ZNF475: variants seen among roughly 807,000 people sequenced by gnomAD.
The protein encoded by ZNF475 is zinc finger protein 475.
At chr5:122,172,987 C>G in the ZNF475 span, among the ~76,000 whole-genome samples, 2 of 151,778 alleles carry the variant, frequency 1.3e-5, no homozygotes, top group Non-Finnish European at 2.9e-5. Flanking sequence ...GAGCCAAGAT[C>G]GCGCCACTGC....
chr5:122,165,401 G>C, the ZNF475 span, among the ~76,000 whole-genome samples: 7 of 152,248 alleles, frequency 4.6e-5, no homozygotes, highest in African/African-American at 1.7e-4. Flanking sequence ...TGACATATAT[G>C]GTCAGTTCTA....
chr5:122,165,609 G>T, the ZNF475 span, among the ~76,000 whole-genome samples: 1 of 152,088 alleles, frequency 6.6e-6, no homozygotes, highest in Non-Finnish European at 1.5e-5. Flanking sequence ...TATTTCCCTT[G>T]CAGGATGTTC....
the ZNF475 span, chr5:122,182,515 C>T: frequency 1.3e-6 from 2 of 1,523,698 alleles, no homozygotes; most frequent in Non-Finnish European, 1.8e-6. Context: ...GATCTTGATG[C>T]TTTAAATGAA....
At chr5:122,163,847 C>T in the ZNF475 span, among the ~76,000 whole-genome samples, 1 of 152,156 alleles carries the variant, frequency 6.6e-6, no homozygotes, top group Non-Finnish European at 1.5e-5. Flanking sequence ...GCTTCTTTTG[C>T]CTAAGGATAG....
the ZNF475 span, among the ~76,000 whole-genome samples, chr5:122,168,921 A>C: frequency 2.6e-5 from 4 of 151,854 alleles, no homozygotes; most frequent in Non-Finnish European, 4.4e-5. Flanking sequence ...TCAAATCTCC[A>C]CCCCACTGTT....
chr5:122,179,965 A>G, the ZNF475 span: 31 of 309,196 alleles, frequency 1.0e-4, 1 homozygote, highest in Non-Finnish European at 1.8e-4. Flanking sequence ...AGAGGGACCT[A>G]TGGGAATTTG....
At chr5:122,173,970 G>T in the ZNF475 span, among the ~76,000 whole-genome samples, 1 of 152,188 alleles carries the variant, frequency 6.6e-6, no homozygotes, top group East Asian at 1.9e-4. Context: ...CAGACTTACC[G>T]ACTTCCTCTT....
At chr5:122,176,045 C>T in the ZNF475 span, among the ~76,000 whole-genome samples, 2 of 152,144 alleles carry the variant, frequency 1.3e-5, no homozygotes, top group African/African-American at 4.8e-5. Context: ...CATCTAATAG[C>T]CTTTACTCAG....
chr5:122,160,928 T>C, the ZNF475 span, among the ~76,000 whole-genome samples: 1 of 152,156 alleles, frequency 6.6e-6, no homozygotes, highest in Non-Finnish European at 1.5e-5. Flanking sequence ...GGTCAACAAC[T>C]ACAATCTCTC....
the ZNF475 span, among the ~76,000 whole-genome samples, chr5:122,176,532 T>C: frequency 6.6e-6 from 1 of 152,194 alleles, no homozygotes; most frequent in African/African-American, 2.4e-5. Context: ...AGACAGGCCC[T>C]GGGTTCCTAA....
At chr5:122,180,295 C>T in the ZNF475 span, among the ~76,000 whole-genome samples, 1 of 152,212 alleles carries the variant, frequency 6.6e-6, no homozygotes, top group Non-Finnish European at 1.5e-5. Context: ...AGACAAGCAG[C>T]TGCCCAGTTC....
the ZNF475 span, among the ~76,000 whole-genome samples, chr5:122,174,604 T>C: frequency 6.6e-6 from 1 of 152,206 alleles, no homozygotes; most frequent in South Asian, 2.1e-4. Context: ...ATGGTATTAA[T>C]TTTCTCCCAC....
chr5:122,169,661 C>T, the ZNF475 span, among the ~76,000 whole-genome samples: 1 of 152,034 alleles, frequency 6.6e-6, no homozygotes, highest in Non-Finnish European at 1.5e-5. Flanking sequence ...TTGCACAAAA[C>T]AGTCAAGAGG....
the ZNF475 span, among the ~76,000 whole-genome samples, chr5:122,177,965 G>A: frequency 3.9e-5 from 6 of 152,096 alleles, no homozygotes; most frequent in South Asian, 2.1e-4. Context: ...TCATTGTTCA[G>A]ATCCCACTTA....
At chr5:122,168,604 T>C in the ZNF475 span, among the ~76,000 whole-genome samples, 28 of 152,192 alleles carry the variant, frequency 1.8e-4, no homozygotes, top group South Asian at 5.8e-3. Context: ...TCCCAGCTGC[T>C]CCAGAGGCTG....
At chr5:122,179,636 A>G in the ZNF475 span, 3 of 1,534,720 alleles carry the variant, frequency 2.0e-6, no homozygotes, top group African/African-American at 2.7e-5. Context: ...TTCATGAGCC[A>G]CAATGTCTGA....
At chr5:122,175,186 G>A in the ZNF475 span, among the ~76,000 whole-genome samples, 4 of 151,632 alleles carry the variant, frequency 2.6e-5, no homozygotes, top group South Asian at 2.1e-4. Context: ...TTTTTGCTTC[G>A]TCTATGTTAA....
the ZNF475 span, among the ~76,000 whole-genome samples, chr5:122,160,593 C>A: frequency 6.6e-6 from 1 of 152,150 alleles, no homozygotes; most frequent in Non-Finnish European, 1.5e-5. Flanking sequence ...AAAATAGGTG[C>A]TCTTTCTTTG....
At chr5:122,169,402 G>A in the ZNF475 span, among the ~76,000 whole-genome samples, 1 of 152,190 alleles carries the variant, frequency 6.6e-6, no homozygotes, top group African/African-American at 2.4e-5. Flanking sequence ...ACTAAGGAGA[G>A]TTAAGGATTG....
Sources: allele counts gnomAD v4.1 joint callset (sites outside exome capture counted in the v4.1 genomes callset), GRCh38; gene constraint gnomAD v4.1.1; transcripts MANE v1.5; gene names NCBI Gene and HGNC (gene_info 2026-07-23, HGNC 2026-07-21).